Variants in TOP3B observed in about 807,000 individuals in gnomAD.
TOP3B encodes the protein DNA topoisomerase III beta.
A neutral mutation model predicts 93.9 loss-of-function variants in TOP3B; 45 were observed. The ratio of observed to expected loss-of-function variants is 0.48; its 90% CI spans 0.38 to 0.61. The LOEUF is 0.61. Among genes scored for constraint, TOP3B ranks in the 20% least tolerant of loss-of-function variants. The pLI is 0.00. For synonymous variants in TOP3B, 357 were observed against 472.6 expected (o/e 0.76, Z 3.17); for missense variants, 750 against 1,156.1 (o/e 0.65, Z 5.09).
At chr22:21,982,325 G>A (rs1042292200) in intron 1 of TOP3B, 1 of 152,230 alleles carries the variant, frequency 6.6e-6, no homozygotes, top group African/African-American at 2.4e-5. Flanking sequence ...CAGGGCCTAG[G>A]GGGCGGCGAG....
intron 2 of TOP3B, 166 bp downstream of exon 2, chr22:21,975,474 G>A: frequency 3.0e-6 from 2 of 672,636 alleles, no homozygotes; most frequent in Non-Finnish European, 2.2e-6. Context: ...ACATTGCCAG[G>A]AGTGGAAGCA....
intron 13 of TOP3B, 127 bp from the exon 14 acceptor site, chr22:21,960,576 A>C: frequency 1.5e-6 from 2 of 1,345,792 alleles, no homozygotes; most frequent in Non-Finnish European, 1.0e-6. Context: ...CACAGGAGGG[A>C]GGGCTGTGCC....
At chr22:21,959,983 C>G in intron 14 of TOP3B, 1 of 630,760 alleles carries the variant, frequency 1.6e-6, no homozygotes. Flanking sequence ...GCTAGAACCA[C>G]ATCACACATG....
intron 1 of TOP3B, chr22:21,982,115 G>A (rs9607473): frequency 0.12 from 18,271 of 152,124 alleles, 1,187 homozygotes; most frequent in African/African-American, 0.13. Context: ...AGGACTGGCT[G>A]GCCATCAAGC....
rs1057291899 is a variant in TOP3B, at chr22:21,958,180, C to T, written c.2107+312G>A. On this transcript the variant is annotated intron_variant, in intron 17 of 17. Coordinates refer to ENST00000357179, the MANE Select transcript of TOP3B (RefSeq NM_001282112.2). ...TGGACGCTGACTGGGGGTGCCCGCT[C>T]ACCGGGTGGGTCCCCCGACTGCTGC... is the stretch of plus-strand genomic sequence containing the variant. The T allele has an allele frequency of 7.8e-6, 10 of 1,279,226 alleles. No homozygotes were observed. In the Admixed American group the frequency reaches 1.8e-4, roughly 24 times the overall value. The allele number at this position is 1,279,226 out of a possible 1,614,324, so 79.2% of individuals were successfully genotyped here.
chr22:21,962,023 G>A (rs956833936), intron 13 of TOP3B: 1 of 913,364 alleles, frequency 1.1e-6, no homozygotes, highest in Non-Finnish European at 1.4e-6. Flanking sequence ...TCTCTCCCAG[G>A]GAAGCAGCTC....
rs2145828363 is a variant in TOP3B, at chr22:21,959,619, C to G, written c.1772G>C (p.Arg591Thr). ...VLGHTLDVFK[R>T]KFHYFVDSIA... ...GGAGTCGACAAAGTAGTGGAACTTC[C>G]TCTTGAACACGTCCAGGGTGTGGCC... The change falls in exon 15 of 18, where the codon AGG becomes ACG. Residue 591 changes from arginine (R) to threonine (T), a missense_variant. Arg to Thr is a moderately conservative substitution (Grantham distance 71). Transcript: ENST00000357179. 1.6e-5 allele frequency: 26 copies of G among 1,613,338 alleles called. No homozygotes were observed. The highest frequency in any genetic ancestry group is 2.1e-5 in the Non-Finnish European group (25 of 1,179,636).
chr22:21,980,282 G>A (rs1346592523), intron 1 of TOP3B, among the ~76,000 whole-genome samples: 2 of 152,154 alleles, frequency 1.3e-5, no homozygotes, highest in African/African-American at 2.4e-5. Context: ...TACATTTAGC[G>A]CCTGGACACA....
At position 21,961,298 on chromosome 22, in the gene TOP3B, G is replaced by A. The variant is rs113010967; in HGVS notation, c.1526-849C>T. On this transcript the variant is annotated intron_variant, in intron 13 of 17. Coordinates refer to ENST00000357179, the MANE Select transcript of TOP3B (RefSeq NM_001282112.2). ...AGTCTGCCGGGCGCCATGACGCGTGGTGTGGGCTCCTCTGTGGCGGCTCTG... is the reference window on the plus strand; with the variant it reads ...AGTCTGCCGGGCGCCATGACGCGTGATGTGGGCTCCTCTGTGGCGGCTCTG... 9.8e-3 allele frequency: 1,501 copies of A among 152,512 alleles called. 18 individuals are homozygous for A. The highest frequency in any genetic ancestry group is 0.034 in the African/African-American group (1,418 of 41,572). 9.4% of individuals were successfully genotyped at this position (152,512 alleles called of 1,614,324 possible).
At position 21,967,620 on chromosome 22, in the gene TOP3B, G is replaced by A. The variant is rs2071463990; in HGVS notation, c.835C>T (p.Leu279=). The A allele has an allele frequency of 3.1e-6, 5 of 1,613,982 alleles. No individual in the cohort carries two copies. The highest frequency in any genetic ancestry group is 4.2e-6 in the Non-Finnish European group (5 of 1,179,964). Residue 279 remains leucine (L), a synonymous_variant, in exon 8 of 18, where the codon CTG becomes TTG. Coordinates refer to ENST00000357179, the MANE Select transcript of TOP3B (RefSeq NM_001282112.2). ...IAQMFLNMTK[L]EKEAQVEATS... ...AGGCACACCTGGGCTTCCTTCTCCA[G>A]CTTTGTCATGTTTAAAAACATCTGT...
rs9610712 is a variant in TOP3B, at chr22:21,958,739, G to A, written c.1906-46C>T. On this transcript the variant is annotated intron_variant, in intron 16 of 17. Transcript: ENST00000357179. ...TGGCGTGAGGGTCACTGGGGCCACC[G>A]ACTTGGCACCCACCCCCACTCCTCT... 25 of 1,539,638 alleles carry A rather than the reference G, an allele frequency of 1.6e-5. No homozygotes were observed. The East Asian group carries it at 3.0e-4, about 19-fold the overall frequency.
chr22:21,968,031 AG>A lies in TOP3B; in HGVS notation c.739-316del, dbSNP rs1601838117. On this transcript the variant is annotated intron_variant, in intron 7 of 17. Coordinates refer to ENST00000357179, the MANE Select transcript of TOP3B (RefSeq NM_001282112.2). ...CTATCCCCAGTGCCTGGCCAGTGGTAGGTATGGCCACCGCCAGGGTCCCAAG... is the reference window on the plus strand; with the variant it reads ...CTATCCCCAGTGCCTGGCCAGTGGTAGTATGGCCACCGCCAGGGTCCCAAG... 1.1e-5 allele frequency: 4 copies of A among 352,394 alleles called. No homozygotes were observed. In the East Asian group the frequency reaches 2.6e-4, roughly 23 times the overall value. The allele number at this position is 352,394 out of a possible 1,614,324, so 21.8% of individuals were successfully genotyped here. A position where few individuals can be genotyped will look rare whatever the true frequency, so the allele number is the denominator to read the frequency against.
At chr22:21,958,766 A>G (rs2071039195) in intron 16 of TOP3B, 73 bp from the exon 17 acceptor site, 2 of 1,483,394 alleles carry the variant, frequency 1.3e-6, no homozygotes, top group Middle Eastern at 2.5e-4. Context: ...CACTCCTCTC[A>G]TAATACAAAG....
intron 7 of TOP3B, 92 bp downstream of exon 7, chr22:21,968,527 C>T (rs931045269): frequency 5.8e-6 from 9 of 1,540,968 alleles, no homozygotes; most frequent in Non-Finnish European, 7.9e-6. Flanking sequence ...TGCCCTCAGC[C>T]CGGGGCCTGC....
chr22:21,973,067 A>T (rs1303020284), intron 3 of TOP3B: 2 of 356,884 alleles, frequency 5.6e-6, no homozygotes, highest in Non-Finnish European at 1.1e-5. Context: ...TTGCCTGAGC[A>T]CTGGACCCCA....
At chr22:21,979,610 G>C (rs2084573475) in intron 1 of TOP3B, among the ~76,000 whole-genome samples, 1 of 152,154 alleles carries the variant, frequency 6.6e-6, no homozygotes, top group Non-Finnish European at 1.5e-5. Flanking sequence ...TTAGAAACAA[G>C]CTGGTGTCTG....
intron 1 of TOP3B, chr22:21,976,797 T>C (rs1280687660): frequency 6.6e-6 from 1 of 152,222 alleles, no homozygotes; most frequent in African/African-American, 2.4e-5. Context: ...CTTTTTGTTT[T>C]TTCAGTCATT....
rs557187758 is a variant in TOP3B at position 21,957,867 on chromosome 22, G to A, written c.2108-272C>T. The A allele has an allele frequency of 1.4e-4, 212 of 1,521,294 alleles. 1 individual carries two copies. The African/African-American group carries it at 2.6e-3, about 19-fold the overall frequency. 94.2% of individuals were successfully genotyped at this position (1,521,294 alleles called of 1,614,324 possible). On this transcript the variant is annotated intron_variant, in intron 17 of 17. Coordinates refer to ENST00000357179, the MANE Select transcript of TOP3B (RefSeq NM_001282112.2). The stretch of plus-strand genomic sequence containing the variant: ...GACTCCATCCCCCCTTTGCTTTGCT[G>A]CCAGCTTGTTACTGGTAATGCCACA...
chr22:21,967,667 C>G lies in TOP3B; in HGVS notation c.788G>C (p.Arg263Thr). ...CTGTGCGATCTCCCGGTCAAACACT[C>G]TTACTCGGTCCCAGTCCAAAAGGAG... Reference protein sequence around the residue: ...RSLLLDWDRVRVFDREIAQMF... With the variant: ...RSLLLDWDRVTVFDREIAQMF... The change falls in exon 8 of 18, where the codon AGA (arginine) becomes ACA (threonine). Residue 263 changes from arginine (R) to threonine (T), a missense_variant. This residue lies in a region of TOP3B where 737 missense variants were observed against 933.7 expected (regional missense o/e 0.79). Coordinates refer to ENST00000357179, the MANE Select transcript of TOP3B (RefSeq NM_001282112.2). 6.2e-7 allele frequency: 1 copy of G among 1,614,200 alleles called. No individual in the cohort carries two copies. The highest frequency in any genetic ancestry group is 8.5e-7 in the Non-Finnish European group (1 of 1,180,030).
Sources: gnomAD v4.1 joint callset for allele counts (sites outside exome capture counted in the v4.1 genomes callset) on GRCh38, gnomAD v4.1.1 for gene constraint, gnomAD v4.1.1 regional missense constraint, MANE v1.5 for transcripts, NCBI Gene and HGNC (gene_info 2026-07-23, HGNC 2026-07-21) for gene names.